PSMA1: variants seen among roughly 807,000 people sequenced by gnomAD.
PSMA1 encodes the protein proteasome subunit alpha type-1.
In PSMA1, 3 loss-of-function variants were observed where a neutral mutation model predicts 38.4. The ratio of observed to expected loss-of-function variants is 0.08; its 90% confidence interval spans 0.04 to 0.20. The LOEUF (loss-of-function observed/expected upper bound fraction) is 0.20, where lower values mean the gene tolerates loss of function less well. Among genes scored for constraint, PSMA1 ranks in the 10% least tolerant of loss-of-function variants. The pLI is 1.00. For synonymous variants in PSMA1, 101 were observed against 107.1 expected, an observed-to-expected ratio of 0.94 and a Z score of 0.35; for missense variants, 227 against 325.3, an observed-to-expected ratio of 0.70 and a Z score of 2.32.
intron 2 of PSMA1, among the ~76,000 whole-genome samples, chr11:14,552,823 T>C (rs1851901690): frequency 6.9e-6 from 1 of 144,346 alleles, no homozygotes; most frequent in African/African-American, 2.7e-5. Context: ...TATATAACTT[T>C]TTTTTTTTTT....
chr11:14,520,214 A>C, intron 1 of PSMA1, 83 bp downstream of exon 1: 1 of 1,595,034 alleles, frequency 6.3e-7, no homozygotes, highest in South Asian at 1.1e-5. Flanking sequence ...GGGCGACGCT[A>C]AGGATGACAG....
intron 2 of PSMA1, among the ~76,000 whole-genome samples, chr11:14,545,001 ACTGAAGTC>A (rs1392259279): frequency 6.6e-6 from 1 of 152,246 alleles, no homozygotes; most frequent in African/African-American, 2.4e-5. Context: ...ATTAAAAAGA[ACTGAAGTC>A]CTGAAGTCCA....
intron 2 of PSMA1, among the ~76,000 whole-genome samples, chr11:14,548,005 A>G (rs1851845118): frequency 6.6e-6 from 1 of 151,552 alleles, no homozygotes; most frequent in South Asian, 2.1e-4. Flanking sequence ...ATCCTGAGAG[A>G]TCACTATATA....
At chr11:14,642,829 G>A (rs945119978) in intron 1 of PSMA1, among the ~76,000 whole-genome samples, 30 of 152,158 alleles carry the variant, frequency 2.0e-4, no homozygotes, top group African/African-American at 7.2e-4. Flanking sequence ...GTACTTCACA[G>A]ATAGCATCTT....
chr11:14,616,334 A>T (rs1465669848), intron 1 of PSMA1, among the ~76,000 whole-genome samples: 1 of 151,410 alleles, frequency 6.6e-6, no homozygotes, highest in African/African-American at 2.4e-5. Flanking sequence ...CCAGGCTCAA[A>T]CTATTCTTGT....
intron 2 of PSMA1, among the ~76,000 whole-genome samples, chr11:14,576,246 G>A (rs1017425531): frequency 4.6e-5 from 7 of 152,036 alleles, no homozygotes; most frequent in Non-Finnish European, 7.4e-5. Context: ...TCTCTCTGAT[G>A]GTAGTTTCTT....
At chr11:14,559,511 A>G (rs1464833658) in intron 2 of PSMA1, among the ~76,000 whole-genome samples, 3 of 152,172 alleles carry the variant, frequency 2.0e-5, no homozygotes, top group Non-Finnish European at 4.4e-5. Context: ...TTCTGGAAGG[A>G]TGGGATGGAA....
intron 3 of PSMA1, 29 bp downstream of exon 3, chr11:14,517,851 G>A (rs1480399001): frequency 1.3e-6 from 2 of 1,549,904 alleles, no homozygotes; most frequent in South Asian, 1.2e-5. Context: ...GTTTTCTACA[G>A]AGGAAGACAT....
chr11:14,611,575 G>C (rs1044036007), intron 1 of PSMA1, among the ~76,000 whole-genome samples: 4 of 152,140 alleles, frequency 2.6e-5, no homozygotes, highest in African/African-American at 7.2e-5. Context: ...GCCTTAAACT[G>C]TCCTTAAAAT....
chr11:14,517,872 G>T lies in PSMA1; in HGVS notation c.150+8C>A, dbSNP rs768729533. ...TACAGAGGAAGACATATTTATTACT[G>T]TACTTACTTTCAATGCAACCAAAAC... On this transcript the variant is annotated splice_region_variant and intron_variant, in intron 3 of 9. Coordinates refer to ENST00000396394, the MANE Select transcript of PSMA1 (RefSeq NM_002786.4). The T allele has an allele frequency of 3.1e-6, 5 of 1,589,404 alleles. No homozygotes were observed. Among genetic ancestry groups the T allele is most frequent in the Non-Finnish European group, 4.3e-6 (5 of 1,166,436 alleles).
chr11:14,610,141 A>G (rs553505415), intron 2 of PSMA1, among the ~76,000 whole-genome samples: 53 of 152,336 alleles, frequency 3.5e-4, no homozygotes, highest in Non-Finnish European at 1.8e-4. Context: ...ACTTCTGCAT[A>G]CTATCTGCTT....
At position 14,537,679 on chromosome 11, in the gene PSMA1, C is replaced by A. The variant is rs1589986553; in HGVS notation, c.22-18638G>T. 2.0e-5 allele frequency among the ~76,000 whole-genome samples: 3 copies of A among 149,568 alleles called. No homozygotes were observed. The South Asian group carries it at 6.4e-4, about 32-fold the overall frequency. On this transcript the variant is annotated intron_variant, in intron 2 of 10. Coordinates refer to the PSMA1 transcript ENST00000418988. ...TAGAGAAGGAAAATTATTTTAAAGA[C>A]CTAAAGGCAATTTTAATGTGGTAAA...
intron 7 of PSMA1, among the ~76,000 whole-genome samples, chr11:14,512,328 C>T (rs1342938133): frequency 5.3e-5 from 8 of 151,624 alleles, no homozygotes; most frequent in African/African-American, 1.2e-4. Flanking sequence ...AAGCCGAGAT[C>T]GCGCCATTGC....
intron 4 of PSMA1, among the ~76,000 whole-genome samples, chr11:14,517,111 T>C (rs1346088910): frequency 1.3e-5 from 2 of 152,200 alleles, no homozygotes; most frequent in Admixed American, 1.3e-4. Context: ...CTGTCTCTTC[T>C]AGACTCTCAC....
intron 8 of PSMA1, 57 bp from the exon 9 acceptor site, chr11:14,507,823 A>T: frequency 8.8e-7 from 1 of 1,139,660 alleles, no homozygotes; most frequent in Non-Finnish European, 1.3e-6. Context: ...AAAAATACAT[A>T]CGATAAAATA....
chr11:14,638,570 TATATATATATATATA>T lies in PSMA1; in HGVS notation c.-166+4870_-166+4884del, dbSNP rs1443624437. ...CTATATATATATATATATATATATA[TATATATATATATATA>T]TTTTTTTTTTTTTTTTTTTTTTTTT... On this transcript the variant is annotated intron_variant, in intron 1 of 10. Transcript: ENST00000418988. Among the ~76,000 whole-genome samples, 144 of 24,926 alleles carry T rather than the reference TATATATATATATATA, an allele frequency of 5.8e-3. 9 individuals are homozygous for T. Among genetic ancestry groups the T allele is most frequent in the Non-Finnish European group, 8.1e-3 (98 of 12,070 alleles). 16.4% of individuals were successfully genotyped at this position (24,926 alleles called of 152,430 possible).
intron 9 of PSMA1, among the ~76,000 whole-genome samples, chr11:14,507,096 C>G (rs1460704408): frequency 1.1e-4 from 17 of 152,240 alleles, no homozygotes; most frequent in Non-Finnish European, 2.1e-4. Flanking sequence ...GTTTGTTGTT[C>G]TAGCCCCTAA....
chr11:14,602,936 A>C (rs574035570), intron 2 of PSMA1, among the ~76,000 whole-genome samples: 3 of 152,152 alleles, frequency 2.0e-5, no homozygotes, highest in Non-Finnish European at 4.4e-5. Flanking sequence ...GTGCGGGGAG[A>C]CATAAGTAAC....
intron 1 of PSMA1, among the ~76,000 whole-genome samples, chr11:14,629,755 G>A (rs1324473693): frequency 4.2e-4 from 64 of 150,830 alleles, no homozygotes; most frequent in African/African-American, 1.5e-3. Context: ...AAATTACCTT[G>A]GGCAGTATGG....
Sources: allele counts gnomAD v4.1 joint callset (sites outside exome capture counted in the v4.1 genomes callset), GRCh38; gene constraint gnomAD v4.1.1; transcripts MANE v1.5; gene names NCBI Gene and HGNC (gene_info 2026-07-23, HGNC 2026-07-21).